The following MCU variants were observed in gnomAD, a reference collection of about 807,000 sequenced individuals.
MCU encodes the protein mitochondrial calcium uniporter.
A neutral mutation model predicts 45.2 loss-of-function variants in MCU; 12 were observed. The ratio of observed to expected loss-of-function variants is 0.27; its 90% confidence interval spans 0.17 to 0.43. The LOEUF (loss-of-function observed/expected upper bound fraction) is 0.43, where lower values mean the gene tolerates loss of function less well. MCU is among the 20% of genes least tolerant of loss of function. The probability of loss-of-function intolerance (pLI) is 1.00; values close to 1 mark genes in which losing one functional copy is unlikely to be tolerated. For synonymous variants in MCU, 160 were observed against 165.1 expected (o/e 0.97, Z 0.24); for missense variants, 324 against 436.7 (o/e 0.74, Z 2.30).
chr10:72,869,294 A>C (rs1010454995), intron 5 of MCU, among the ~76,000 whole-genome samples: 3 of 152,188 alleles, frequency 2.0e-5, no homozygotes, highest in Non-Finnish European at 4.4e-5. Flanking sequence ...AAACAATAAA[A>C]CATAACAAGG....
chr10:72,810,756 A>C (rs1266430294), intron 1 of MCU, among the ~76,000 whole-genome samples: 15 of 151,946 alleles, frequency 9.9e-5, no homozygotes, highest in Non-Finnish European at 7.4e-5. Context: ...CAGCCTCCCA[A>C]AGTGCTGGGA....
intron 1 of MCU, among the ~76,000 whole-genome samples, chr10:72,748,192 T>G (rs901090877): frequency 6.6e-6 from 1 of 151,830 alleles, no homozygotes; most frequent in Non-Finnish European, 1.5e-5. Context: ...GGACTACAGG[T>G]GCCCGCCACC....
intron 4 of MCU, among the ~76,000 whole-genome samples, chr10:72,866,512 TCAG>T (rs1845459554): frequency 6.6e-6 from 1 of 152,202 alleles, no homozygotes; most frequent in Non-Finnish European, 1.5e-5. Context: ...GTCTCCAGCC[TCAG>T]CCTCCCCAGT....
chr10:72,739,816 A>G (rs1439132926), intron 1 of MCU, among the ~76,000 whole-genome samples: 4 of 151,194 alleles, frequency 2.6e-5, no homozygotes, highest in East Asian at 3.9e-4. Context: ...AGCTGGGATT[A>G]CAGGTGCACA....
At chr10:72,746,618 G>T (rs1185548636) in intron 1 of MCU, among the ~76,000 whole-genome samples, 2 of 152,182 alleles carry the variant, frequency 1.3e-5, no homozygotes. Flanking sequence ...GTCTGAAGTT[G>T]TCTCCAAACA....
intron 1 of MCU, among the ~76,000 whole-genome samples, chr10:72,699,729 C>G (rs962964449): frequency 2.0e-5 from 3 of 151,296 alleles, no homozygotes; most frequent in Non-Finnish European, 4.4e-5. Flanking sequence ...GTGGCTGGGA[C>G]TACAGGTGTG....
intron 1 of MCU, among the ~76,000 whole-genome samples, chr10:72,788,763 T>C (rs1034204210): frequency 6.6e-6 from 1 of 152,262 alleles, no homozygotes; most frequent in Non-Finnish European, 1.5e-5. Flanking sequence ...TTAGAAAGCA[T>C]TTCACATTTT....
chr10:72,854,669 T>C (rs1487393906), intron 2 of MCU, among the ~76,000 whole-genome samples: 1 of 152,220 alleles, frequency 6.6e-6, no homozygotes, highest in Non-Finnish European at 1.5e-5. Context: ...GGACCAGTTT[T>C]GTGTAAGACA....
chr10:72,871,199 C>T (rs1310050479), intron 5 of MCU, among the ~76,000 whole-genome samples, 178 bp from the exon 6 acceptor site: 1 of 152,162 alleles, frequency 6.6e-6, no homozygotes, highest in East Asian at 1.9e-4. Context: ...TGCACCTGGC[C>T]TAAGATATTT....
At chr10:72,804,523 C>T (rs1198895655) in intron 1 of MCU, among the ~76,000 whole-genome samples, 1 of 152,114 alleles carries the variant, frequency 6.6e-6, no homozygotes, top group Non-Finnish European at 1.5e-5. Context: ...ACTCTTTGAT[C>T]ACTTCTTCAT....
At chr10:72,885,688 A>C (rs1188856961) in intron 7 of MCU, 57 bp from the exon 8 acceptor site, 1 of 1,066,854 alleles carries the variant, frequency 9.4e-7, no homozygotes, top group Non-Finnish European at 1.4e-6. Context: ...CTTGGTAGAC[A>C]GTAATATCAT....
intron 1 of MCU, among the ~76,000 whole-genome samples, chr10:72,717,533 A>G (rs1358588284): frequency 1.3e-5 from 2 of 152,108 alleles, no homozygotes; most frequent in Non-Finnish European, 2.9e-5. Context: ...TGCTGGGATT[A>G]CAGGTGTGAG....
At chr10:72,713,918 G>A (rs920744712) in intron 1 of MCU, among the ~76,000 whole-genome samples, 17 of 150,124 alleles carry the variant, frequency 1.1e-4, no homozygotes, top group African/African-American at 3.2e-4. Flanking sequence ...ACACAGAGAT[G>A]GGGTGAATTT....
intron 2 of MCU, among the ~76,000 whole-genome samples, chr10:72,847,351 A>G (rs984128270): frequency 6.6e-6 from 1 of 152,214 alleles, no homozygotes; most frequent in African/African-American, 2.4e-5. Context: ...ACTCGTGTCA[A>G]CTGAAGAATT....
At chr10:72,864,805 A>G (rs994970673) in intron 4 of MCU, among the ~76,000 whole-genome samples, 1 of 152,200 alleles carries the variant, frequency 6.6e-6, no homozygotes, top group Non-Finnish European at 1.5e-5. Context: ...ACAGTTAGCC[A>G]TTTATCAGCT....
At chr10:72,841,613 A>T (rs1845049308) in intron 2 of MCU, among the ~76,000 whole-genome samples, 1 of 152,148 alleles carries the variant, frequency 6.6e-6, no homozygotes, top group African/African-American at 2.4e-5. Flanking sequence ...AAAATTTTTG[A>T]CTGTAATGAA....
intron 1 of MCU, among the ~76,000 whole-genome samples, chr10:72,801,135 T>C (rs1206336744): frequency 6.6e-6 from 1 of 152,156 alleles, no homozygotes; most frequent in Non-Finnish European, 1.5e-5. Flanking sequence ...CCAAAAATTT[T>C]AGTGTATTTT....
intron 1 of MCU, among the ~76,000 whole-genome samples, chr10:72,824,372 A>ATTTTTTTTT (rs66765142): frequency 1.5e-5 from 2 of 133,718 alleles, no homozygotes; most frequent in African/African-American, 5.9e-5. Context: ...AATTTTTTGT[A>ATTTTTTTTT]TTTTTTTTTT....
At chr10:72,697,884 C>T (rs1842709829) in intron 1 of MCU, among the ~76,000 whole-genome samples, 1 of 152,132 alleles carries the variant, frequency 6.6e-6, no homozygotes, top group African/African-American at 2.4e-5. Context: ...CCTCCCACTT[C>T]AGCCTCTTGA....
Sources: gnomAD v4.1 joint callset for allele counts (sites outside exome capture counted in the v4.1 genomes callset) on GRCh38, gnomAD v4.1.1 for gene constraint, MANE v1.5 for transcripts, NCBI Gene and HGNC (gene_info 2026-07-23, HGNC 2026-07-21) for gene names.